The following SCAPER variants were observed in gnomAD, a reference collection of about 807,000 sequenced individuals.
The protein encoded by SCAPER is S-phase cyclin A associated protein in the ER, also known as S phase cyclin A-associated protein in the endoplasmic reticulum.
In SCAPER, 98 loss-of-function variants were observed where a neutral mutation model predicts 182.2. The ratio of observed to expected loss-of-function variants is 0.54; its 90% CI spans 0.46 to 0.64. The LOEUF (loss-of-function observed/expected upper bound fraction) is 0.64, where lower values mean the gene tolerates loss of function less well. SCAPER is among the 30% of genes least tolerant of loss of function. The pLI, the probability that SCAPER is intolerant of heterozygous loss-of-function variation, is 0.00. For synonymous variants in SCAPER, 605 were observed against 564.6 expected (o/e 1.07, Z -1.01); for missense variants, 1,432 against 1,690.0 (o/e 0.85, Z 2.68).
intron 22 of SCAPER, among the ~76,000 whole-genome samples, chr15:76,597,538 A>T (rs2049601815): frequency 1.7e-5 from 2 of 121,170 alleles, no homozygotes; most frequent in African/African-American, 5.0e-5. Flanking sequence ...GCATCACACT[A>T]CCTGACTTCA....
chr15:76,450,464 A>C lies in SCAPER; in HGVS notation c.3079-16154T>G, dbSNP rs375773352. ...TGGAAAGAGTATTTTTTTCCCTTCTAAATCTAGTACAATGAAGTATAAGAT... is the reference window on the plus strand; with the variant it reads ...TGGAAAGAGTATTTTTTTCCCTTCTCAATCTAGTACAATGAAGTATAAGAT... On this transcript the variant is annotated intron_variant, in intron 25 of 31. Transcript: ENST00000563290. Among the ~76,000 whole-genome samples the C allele has an allele frequency of 5.3e-5, 8 of 152,266 alleles. No individual in the cohort carries two copies. In the East Asian group the frequency reaches 1.3e-3, roughly 26 times the overall value.
chr15:76,855,779 G>C (rs1220969823), intron 4 of SCAPER: 2 of 333,826 alleles, frequency 6.0e-6, no homozygotes, highest in East Asian at 1.6e-4. Flanking sequence ...AACAGATCTT[G>C]GCAAGGTTGT....
intron 23 of SCAPER, among the ~76,000 whole-genome samples, chr15:76,542,282 G>C (rs1023455524): frequency 2.6e-5 from 4 of 152,044 alleles, no homozygotes; most frequent in African/African-American, 9.7e-5. Flanking sequence ...CAGCACTTTG[G>C]GAGGCTGAGG....
intron 26 of SCAPER, among the ~76,000 whole-genome samples, chr15:76,433,289 T>C (rs1034654255): frequency 1.3e-5 from 2 of 152,072 alleles, no homozygotes; most frequent in African/African-American, 4.8e-5. Context: ...GGGTGGGTCA[T>C]TTGTGGTCAA....
chr15:76,781,132 A>G (rs2064103094), intron 8 of SCAPER, among the ~76,000 whole-genome samples: 1 of 152,316 alleles, frequency 6.6e-6, no homozygotes, highest in African/African-American at 2.4e-5. Flanking sequence ...GGAAGCTAAA[A>G]AACATTGAAA....
In SCAPER at chr15:76,851,450, G is replaced by A. The variant is rs149379167; in HGVS notation, c.195+6359C>T. Reference sequence around the variant, plus strand: ...GAAGGTAGCTTTAATAGAGAGAAAGGGCAGGTCACCTACAAAGGGAACCTC... The same window carrying A: ...GAAGGTAGCTTTAATAGAGAGAAAGAGCAGGTCACCTACAAAGGGAACCTC... On this transcript the variant is annotated intron_variant, in intron 4 of 31. Transcript: ENST00000563290. 2.0e-5 allele frequency among the ~76,000 whole-genome samples: 3 copies of A among 151,700 alleles called. No homozygotes were observed. The East Asian group carries it at 5.8e-4, about 29-fold the overall frequency.
rs1438554752 is a variant in SCAPER, at chr15:76,597,753, G to A, written c.2712-23469C>T. ...TGAGAAAACTGGCTAGCCATATGTA[G>A]AGAACTGAAATTGGACCCCTTCCTT... is the stretch of plus-strand genomic sequence containing the variant. On this transcript the variant is annotated intron_variant, in intron 22 of 31. Transcript: ENST00000563290. Among the ~76,000 whole-genome samples, 2 of 120,722 alleles carry A rather than the reference G, an allele frequency of 1.7e-5. 1 individual carries two copies. The highest frequency in any genetic ancestry group is 4.0e-5 in the Non-Finnish European group (2 of 49,832). 79.2% of individuals were successfully genotyped at this position (120,722 alleles called of 152,430 possible). A position where few individuals can be genotyped will look rare whatever the true frequency, so the allele number is the denominator to read the frequency against.
chr15:76,508,016 A>G (rs1312483432), intron 23 of SCAPER, among the ~76,000 whole-genome samples: 1 of 152,012 alleles, frequency 6.6e-6, no homozygotes, highest in Non-Finnish European at 1.5e-5. Context: ...TTGTGTTACA[A>G]CTCCAAAATT....
chr15:76,739,355 A>G (rs1192920569), intron 15 of SCAPER, among the ~76,000 whole-genome samples: 1 of 152,204 alleles, frequency 6.6e-6, no homozygotes, highest in African/African-American at 2.4e-5. Context: ...TAGTAAGTTG[A>G]GAACTTTCAC....
intron 4 of SCAPER, among the ~76,000 whole-genome samples, chr15:76,855,410 A>C (rs2071236831): frequency 6.6e-6 from 1 of 151,900 alleles, no homozygotes; most frequent in Non-Finnish European, 1.5e-5. Context: ...ACACAAAAGC[A>C]AAATTTGACA....
intron 8 of SCAPER, among the ~76,000 whole-genome samples, chr15:76,783,236 C>T (rs1257670970): frequency 6.6e-6 from 1 of 152,162 alleles, no homozygotes; most frequent in Admixed American, 6.5e-5. Context: ...AAACTACCAT[C>T]AGAGAATACT....
intron 29 of SCAPER, among the ~76,000 whole-genome samples, chr15:76,374,706 C>T (rs1205708211): frequency 4.6e-5 from 7 of 151,544 alleles, no homozygotes; most frequent in East Asian, 2.0e-4. Context: ...TGGCTGGTCT[C>T]GAACTCCTGA....
intron 21 of SCAPER, among the ~76,000 whole-genome samples, chr15:76,632,768 C>CTT (rs1188058843): frequency 0.013 from 1,344 of 104,482 alleles, 56 homozygotes; most frequent in African/African-American, 0.031. Context: ...AGGCTGCTGA[C>CTT]TTTTTTTTTT....
chr15:76,647,056 A>G (rs972152129), intron 21 of SCAPER, among the ~76,000 whole-genome samples: 1 of 152,232 alleles, frequency 6.6e-6, no homozygotes, highest in Non-Finnish European at 1.5e-5. Context: ...AAGAACCACA[A>G]AGCTCACAAT....
At chr15:76,466,008 T>C (rs533293945) in intron 25 of SCAPER, among the ~76,000 whole-genome samples, 1 of 152,268 alleles carries the variant, frequency 6.6e-6, no homozygotes, top group Non-Finnish European at 1.5e-5. Flanking sequence ...TCTCTTACTG[T>C]CTTTGAGAGT....
chr15:76,904,308 ATTAT>A (rs2074950996), intron 1 of SCAPER, among the ~76,000 whole-genome samples: 1 of 152,228 alleles, frequency 6.6e-6, no homozygotes, highest in Non-Finnish European at 1.5e-5. Context: ...CTTCTACCAG[ATTAT>A]TTATGAAGAT....
intron 20 of SCAPER, among the ~76,000 whole-genome samples, chr15:76,684,143 A>G (rs759874679): frequency 2.6e-5 from 4 of 152,208 alleles, no homozygotes; most frequent in African/African-American, 7.2e-5. Flanking sequence ...CCGACACTAT[A>G]AAGCAGCCAG....
Position 76,351,234 on chromosome 15 carries a change from T to A in SCAPER, c.4099+3A>T. ...ATGAAATTTAATTTCAATAGAGACA[T>A]ACCTTTGGGTTGGTAAGGCTGGTTT... On this transcript the variant is annotated splice_donor_region_variant and intron_variant, in intron 31 of 31. Coordinates refer to ENST00000563290, the MANE Select transcript of SCAPER (RefSeq NM_020843.4). 1 of 1,608,236 alleles carries A rather than the reference T, an allele frequency of 6.2e-7. No individual in the cohort carries two copies. Among genetic ancestry groups the A allele is most frequent in the Non-Finnish European group, 8.5e-7 (1 of 1,177,118 alleles).
At chr15:76,426,488 C>T (rs1396418429) in intron 26 of SCAPER, among the ~76,000 whole-genome samples, 1 of 152,158 alleles carries the variant, frequency 6.6e-6, no homozygotes, top group African/African-American at 2.4e-5. Flanking sequence ...GTCGCTCATG[C>T]TGGGAGCTGT....
Sources: allele counts gnomAD v4.1 joint callset (sites outside exome capture counted in the v4.1 genomes callset), GRCh38; gene constraint gnomAD v4.1.1; transcripts MANE v1.5; gene names NCBI Gene and HGNC (gene_info 2026-07-23, HGNC 2026-07-21).